Variants in MYO15A observed in about 807,000 individuals in gnomAD.
The protein encoded by MYO15A is unconventional myosin-XV.
Under a neutral mutation model 394.6 loss-of-function variants are expected in MYO15A, and 308 were observed. The ratio of observed to expected loss-of-function variants is 0.78; its 90% confidence interval spans 0.71 to 0.86. The LOEUF (loss-of-function observed/expected upper bound fraction) is 0.86, where lower values mean the gene tolerates loss of function less well. MYO15A is among the 40% of genes least tolerant of loss of function. The pLI, the probability that MYO15A is intolerant of heterozygous loss-of-function variation, is 0.00. For missense variants in MYO15A, 4,606 were observed against 4,799.1 expected (o/e 0.96, Z 1.19); for synonymous variants, 1,957 against 2,003.8 (o/e 0.98, Z 0.62).
intron 15 of MYO15A, 147 bp from the exon 16 acceptor site, chr17:18,137,437 C>A: frequency 1.4e-6 from 1 of 712,890 alleles, no homozygotes; most frequent in Non-Finnish European, 2.5e-6. Context: ...CAGATTCTGT[C>A]CTGGGTGCAG....
intron 63 of MYO15A, 110 bp from the exon 64 acceptor site, chr17:18,172,047 G>C: frequency 6.4e-7 from 1 of 1,569,446 alleles, no homozygotes; most frequent in Non-Finnish European, 8.7e-7. Context: ...CCAGACCAAG[G>C]GCTTCTGCAC....
intron 13 of MYO15A, 54 bp downstream of exon 13, chr17:18,135,878 A>G: frequency 2.6e-6 from 4 of 1,514,060 alleles, no homozygotes; most frequent in African/African-American, 1.4e-5. Context: ...GGGCCTGGAC[A>G]GAGCTGCTTG....
At chr17:18,146,198 C>G (rs2046478267) in intron 30 of MYO15A, 91 bp downstream of exon 30, 22 of 1,329,356 alleles carry the variant, frequency 1.7e-5, no homozygotes, top group Non-Finnish European at 2.2e-5. Context: ...GGCCAGGAGT[C>G]AGATCTCTAT....
Position 18,126,224 on chromosome 17 carries a change from C to T in MYO15A, c.3757-123C>T, listed in dbSNP as rs144107769. 4.0e-4 allele frequency: 333 copies of T among 825,942 alleles called. 2 individuals are homozygous for T. In the East Asian group the frequency reaches 5.3e-3, roughly 13 times the overall value. 51.2% of individuals were successfully genotyped at this position (825,942 alleles called of 1,614,324 possible). A position where few individuals can be genotyped will look rare whatever the true frequency, so the allele number is the denominator to read the frequency against. On this transcript the variant is annotated intron_variant, in intron 4 of 65. Transcript: ENST00000647165. ...GGTAGAGGGCTCTAGATGGGAATCC[C>T]GAGTCCAGGCAGCCAGATATCTGTC...
In MYO15A at chr17:18,119,374, C is replaced by T. The variant is rs750828556; in HGVS notation, c.574C>T (p.Arg192Cys). 31 of 1,609,840 alleles carry T rather than the reference C, an allele frequency of 1.9e-5. No homozygotes were observed. The highest frequency in any genetic ancestry group is 1.6e-4 in the Middle Eastern group (1 of 6,082). ...TGGGGGCCGGCTCCGGAGGTTCCCC[C>T]GCAGCCGCAGCATCTACGCGTCAGG... Reference protein sequence around the residue: ...RPGGRLRRFPRSRSIYASGEP... With the variant: ...RPGGRLRRFPCSRSIYASGEP... Residue 192 changes from arginine (R) to cysteine (C), a missense_variant, in exon 2 of 66, where the codon CGC (arginine) becomes TGC (cysteine). Coordinates refer to ENST00000647165, the MANE Select transcript of MYO15A (RefSeq NM_016239.4).
rs1411950593 is a variant in MYO15A, at chr17:18,163,233, A to G, written c.9613-11A>G. The G allele has an allele frequency of 2.5e-6, 4 of 1,613,914 alleles. No individual in the cohort carries two copies. The highest frequency in any genetic ancestry group is 3.4e-6 in the Non-Finnish European group (4 of 1,179,810). On this transcript the variant is annotated splice_polypyrimidine_tract_variant and intron_variant, in intron 58 of 65. Transcript: ENST00000647165. Reference sequence around the variant, plus strand: ...CCAACCTGTCATCCCTCTCCCACCTATCTACCCCAGGCAGGCCGCAGTTCC... The same window carrying G: ...CCAACCTGTCATCCCTCTCCCACCTGTCTACCCCAGGCAGGCCGCAGTTCC...
Position 18,163,797 on chromosome 17 carries a change from A to C in MYO15A, c.9746A>C (p.Glu3249Ala). ...GCTGAGATGGCTCTGACACGCCCTGAGGCCTTCAATGAATATGTTATCTTC... is the reference window on the plus strand; with the variant it reads ...GCTGAGATGGCTCTGACACGCCCTGCGGCCTTCAATGAATATGTTATCTTC... ...ICAEMALTRP[E>A]AFNEYVIFVV... The change falls in exon 60 of 66, where the codon GAG becomes GCG. Residue 3249 changes from glutamate to alanine, a missense_variant. Around this residue, in one of 2 missense-constraint regions of MYO15A, gnomAD observed 2,776 missense variants for 3,109.3 expected, o/e 0.89. Coordinates refer to ENST00000647165, the MANE Select transcript of MYO15A (RefSeq NM_016239.4). The C allele has an allele frequency of 4.3e-6, 7 of 1,614,092 alleles. No individual in the cohort carries two copies. Among genetic ancestry groups the C allele is most frequent in the African/African-American group, 1.3e-5 (1 of 75,060 alleles).
rs1159028538 is a variant in MYO15A, at chr17:18,121,264, G to T, written c.2464G>T (p.Glu822Ter). The change falls in exon 2 of 66, where the codon GAG (glutamate) becomes TAG (stop). Residue 822 changes from glutamate to a stop codon, truncating the protein, a stop_gained. Coordinates refer to ENST00000647165, the MANE Select transcript of MYO15A (RefSeq NM_016239.4). LOFTEE classifies it high-confidence loss of function. The surrounding 1 kb of genome is among the most constrained non-coding windows in gnomAD (Gnocchi z 5.3). ...PPARRPRSLQESPAPRRAAGR... is the reference protein window; with the variant it reads ...PPARRPRSLQ Reference sequence around the variant, plus strand: ...GGCCCGCCGGCCCCGCTCGCTGCAGGAGTCCCCAGCCCCACGCCGAGCCGC... The same window carrying T: ...GGCCCGCCGGCCCCGCTCGCTGCAGTAGTCCCCAGCCCCACGCCGAGCCGC... 6.9e-7 allele frequency: 1 copy of T among 1,451,610 alleles called. No homozygotes were observed. Among genetic ancestry groups the T allele is most frequent in the Non-Finnish European group, 9.0e-7 (1 of 1,106,316 alleles). The allele number at this position is 1,451,610 out of a possible 1,614,324, so 89.9% of individuals were successfully genotyped here.
At chr17:18,144,712 C>T in intron 29 of MYO15A, 120 bp downstream of exon 29, 1 of 899,224 alleles carries the variant, frequency 1.1e-6, no homozygotes, top group South Asian at 1.4e-5. Context: ...ACACCTCTTC[C>T]CCAAAGGACA....
At chr17:18,173,285 G>C (rs1413878200) in intron 64 of MYO15A, among the ~76,000 whole-genome samples, 1 of 152,114 alleles carries the variant, frequency 6.6e-6, no homozygotes, top group Admixed American at 6.5e-5. Flanking sequence ...TTTGCTTCCT[G>C]GGCCAGAAAA....
At chr17:18,175,312 G>T in intron 65 of MYO15A, among the ~76,000 whole-genome samples, 1 of 33,570 alleles carries the variant, frequency 3.0e-5, no homozygotes. Flanking sequence ...TTTTTTTGAG[G>T]CAAAGTCTTG....
intron 29 of MYO15A, among the ~76,000 whole-genome samples, chr17:18,145,622 G>A (rs903616315): frequency 6.6e-6 from 1 of 152,190 alleles, no homozygotes; most frequent in Non-Finnish European, 1.5e-5. Flanking sequence ...GCTGAGGTGG[G>A]AGGATCACTT....
Position 18,171,646 on chromosome 17 carries a change from T to A in MYO15A, c.10091T>A (p.Val3364Asp). Residue 3364 changes from valine to aspartate, a missense_variant, in exon 63 of 66, where the codon GTC becomes GAC. Val to Asp is a radical substitution (Grantham distance 152, BLOSUM62 -3). This residue lies in a region of MYO15A where 2,776 missense variants were observed against 3,109.3 expected (regional missense o/e 0.89). Transcript: ENST00000647165. ...CCTTCCTCCGTACACAGGCGGGAAG[T>A]CCAGGAGTACATCCCAGCCCAGCTC... ...DHFYLPSVREVQEYIPAQLYR... is the reference protein window; with the variant it reads ...DHFYLPSVREDQEYIPAQLYR... 1 of 1,613,794 alleles carries A rather than the reference T, an allele frequency of 6.2e-7. No homozygotes were observed. Among genetic ancestry groups the A allele is most frequent in the Non-Finnish European group, 8.5e-7 (1 of 1,180,008 alleles).
In MYO15A at chr17:18,119,757, G is replaced by A. The variant is rs1378085731; in HGVS notation, c.957G>A (p.Pro319=). ...YDDYEPPYAP[P]SGYSSPYSYH... is the part of the protein sequence containing the mutation. ...ATTACGAACCCCCATATGCGCCCCC[G>A]TCGGGGTACTCGTCTCCTTACAGCT... The change falls in exon 2 of 66, where the codon CCG becomes CCA. Residue 319 remains proline, a synonymous_variant. Coordinates refer to ENST00000647165, the MANE Select transcript of MYO15A (RefSeq NM_016239.4). 5.0e-6 allele frequency: 8 copies of A among 1,612,756 alleles called. No individual in the cohort carries two copies. Among genetic ancestry groups the A allele is most frequent in the African/African-American group, 1.3e-5 (1 of 74,886 alleles).
chr17:18,156,913 T>C, intron 48 of MYO15A, 41 bp from the exon 49 acceptor site: 3 of 1,557,442 alleles, frequency 1.9e-6, no homozygotes, highest in Non-Finnish European at 2.7e-6. Context: ...GGGAGTGGGG[T>C]GATAGGGCTG....
intron 51 of MYO15A, 174 bp from the exon 52 acceptor site, chr17:18,158,349 G>A (rs1463642167): frequency 1.3e-5 from 8 of 630,164 alleles, no homozygotes; most frequent in Admixed American, 8.1e-5. Flanking sequence ...AGTAAAAGGC[G>A]TGGGCGGGCT....
chr17:18,178,825 T>A lies in MYO15A; in HGVS notation c.10548T>A (p.His3516Gln). 1 of 1,613,870 alleles carries A rather than the reference T, an allele frequency of 6.2e-7. No individual in the cohort carries two copies. ...AVHVENLLSA[H>Q]EKRLTLPPSE... ...ACGTGGAGAACCTGCTCAGTGCCCA[T>A]GAGAAGCGGCTCACATTGCCCCCCA... is the stretch of plus-strand genomic sequence containing the variant. The change falls in exon 66 of 66, where the codon CAT (histidine) becomes CAA (glutamine). Residue 3516 changes from histidine (H) to glutamine (Q), a missense_variant. Physicochemically the swap from His to Gln is conservative, Grantham distance 24. Around this residue, in one of 2 missense-constraint regions of MYO15A, gnomAD observed 2,776 missense variants for 3,109.3 expected, o/e 0.89. Coordinates refer to ENST00000647165, the MANE Select transcript of MYO15A (RefSeq NM_016239.4).
rs998628316 is a variant in MYO15A at position 18,148,489 on chromosome 17, G to A, written c.6692-7G>A. 19 of 1,551,856 alleles carry A rather than the reference G, an allele frequency of 1.2e-5. No individual in the cohort carries two copies. Among genetic ancestry groups the A allele is most frequent in the South Asian group, 5.9e-5 (5 of 84,076 alleles). The stretch of plus-strand genomic sequence containing the variant: ...CCAACCTGAGCCCGGCACCTGCTGC[G>A]CCCCAGGTGACCAGTTCTCCTGCCC... On this transcript the variant is annotated splice_polypyrimidine_tract_variant and splice_region_variant and intron_variant, in intron 31 of 65. Coordinates refer to ENST00000647165, the MANE Select transcript of MYO15A (RefSeq NM_016239.4). This position sits in a 1 kb window ranked among gnomAD's most constrained non-coding sequence, Gnocchi z 4.8.
chr17:18,111,499 T>C (rs1368269772), intron 1 of MYO15A, among the ~76,000 whole-genome samples: 3 of 152,160 alleles, frequency 2.0e-5, no homozygotes, highest in African/African-American at 7.2e-5. Flanking sequence ...AATGCACAAG[T>C]AATATTTAAG....
Sources: allele counts gnomAD v4.1 joint callset (sites outside exome capture counted in the v4.1 genomes callset), GRCh38; gene constraint gnomAD v4.1.1; regional missense constraint gnomAD v4.1.1; non-coding constraint Gnocchi (gnomAD v3.1); transcripts MANE v1.5; gene names NCBI Gene and HGNC (gene_info 2026-07-23, HGNC 2026-07-21).